The following NELL1 variants were observed in gnomAD, a reference collection of about 807,000 sequenced individuals.
The protein encoded by NELL1 is protein kinase C-binding protein NELL1.
A neutral mutation model predicts 107.4 loss-of-function variants in NELL1; 76 were observed. The observed-to-expected ratio is 0.71, with a 90% CI of 0.59 to 0.86. The LOEUF is 0.86. Ranked by LOEUF, NELL1 falls within the 40% of genes least tolerant of loss-of-function variation. The pLI is 0.00. For missense variants in NELL1, 1,024 were observed against 1,005.5 expected (o/e 1.02, Z -0.25); for synonymous variants, 353 against 341.2 (o/e 1.03, Z -0.38).
intron 3 of NELL1, among the ~76,000 whole-genome samples, chr11:20,846,559 C>G (rs533969898): frequency 1.3e-5 from 2 of 152,098 alleles, no homozygotes; most frequent in African/African-American, 2.4e-5. Context: ...CTATCCTCAC[C>G]ACTTTGTCAT....
chr11:21,421,891 G>A (rs146920874), intron 15 of NELL1, among the ~76,000 whole-genome samples: 2 of 152,182 alleles, frequency 1.3e-5, no homozygotes, highest in African/African-American at 4.8e-5. Context: ...TCTGGAAAGC[G>A]GCAAGAGAGA....
chr11:21,493,449 C>A (rs182384790), intron 15 of NELL1, among the ~76,000 whole-genome samples: 41 of 151,836 alleles, frequency 2.7e-4, no homozygotes, highest in African/African-American at 9.7e-4. Flanking sequence ...ATGGATGGAA[C>A]TGTAGGTCAT....
intron 12 of NELL1, among the ~76,000 whole-genome samples, chr11:20,998,438 A>G (rs535012007): frequency 4.6e-5 from 7 of 152,198 alleles, no homozygotes; most frequent in African/African-American, 1.4e-4. Context: ...TTTTGCTAAG[A>G]TATATTTTTG....
intron 13 of NELL1, among the ~76,000 whole-genome samples, chr11:21,211,968 A>G (rs1195575479): frequency 6.6e-6 from 1 of 151,968 alleles, no homozygotes; most frequent in Non-Finnish European, 1.5e-5. Flanking sequence ...TGAGATTACA[A>G]GAGTATGCCA....
intron 12 of NELL1, among the ~76,000 whole-genome samples, chr11:21,046,414 A>G (rs1260865444): frequency 6.6e-6 from 1 of 152,122 alleles, no homozygotes. Context: ...TGGGTTTAGC[A>G]TGCCTCAACT....
intron 16 of NELL1, among the ~76,000 whole-genome samples, chr11:21,542,934 A>C (rs1856328594): frequency 1.3e-5 from 2 of 152,086 alleles, no homozygotes; most frequent in Non-Finnish European, 2.9e-5. Context: ...ACATGAGTAT[A>C]TAAATTATTC....
intron 5 of NELL1, among the ~76,000 whole-genome samples, chr11:20,909,379 T>C (rs1850074953): frequency 6.6e-6 from 1 of 152,162 alleles, no homozygotes; most frequent in Non-Finnish European, 1.5e-5. Flanking sequence ...TCTGATTCAG[T>C]GGACCTAGGT....
At chr11:21,467,880 C>A (rs1294337182) in intron 15 of NELL1, among the ~76,000 whole-genome samples, 1 of 151,912 alleles carries the variant, frequency 6.6e-6, no homozygotes, top group Non-Finnish European at 1.5e-5. Context: ...TGAGAAGAAA[C>A]AAGAATTTTC....
chr11:21,505,256 T>A (rs1387280559), intron 15 of NELL1, among the ~76,000 whole-genome samples: 1 of 152,186 alleles, frequency 6.6e-6, no homozygotes, highest in Non-Finnish European at 1.5e-5. Flanking sequence ...TAATCCTACC[T>A]ATAAGAGTTA....
chr11:21,137,259 C>G (rs1245491011), intron 13 of NELL1, among the ~76,000 whole-genome samples: 2 of 152,154 alleles, frequency 1.3e-5, no homozygotes, highest in African/African-American at 4.8e-5. Flanking sequence ...CGACCAGTGT[C>G]CTGGAGGAGA....
At chr11:21,130,819 T>G (rs1855598507) in intron 13 of NELL1, among the ~76,000 whole-genome samples, 2 of 152,156 alleles carry the variant, frequency 1.3e-5, no homozygotes, top group African/African-American at 2.4e-5. Context: ...CCATGGGCTT[T>G]GTTTCTGTAG....
chr11:21,401,852 AG>A (rs1264924684), intron 15 of NELL1, among the ~76,000 whole-genome samples: 1 of 151,778 alleles, frequency 6.6e-6, no homozygotes, highest in Non-Finnish European at 1.5e-5. Flanking sequence ...TCTGAGCCTA[AG>A]GTATGAAATG....
At chr11:21,022,163 T>G (rs1852716515) in intron 12 of NELL1, among the ~76,000 whole-genome samples, 2 of 152,110 alleles carry the variant, frequency 1.3e-5, no homozygotes, top group South Asian at 4.1e-4. Context: ...TTCATGTATA[T>G]GGAAAAGAAA....
chr11:20,719,534 A>G (rs1371830903), intron 2 of NELL1, among the ~76,000 whole-genome samples: 1 of 152,186 alleles, frequency 6.6e-6, no homozygotes, highest in Non-Finnish European at 1.5e-5. Flanking sequence ...CAGACATTAC[A>G]AGGATCCTTA....
chr11:20,917,226 A>C (rs1850277322), intron 5 of NELL1, among the ~76,000 whole-genome samples: 1 of 152,018 alleles, frequency 6.6e-6, no homozygotes, highest in Non-Finnish European at 1.5e-5. Context: ...CAAACACTGC[A>C]TCATCCTTGA....
intron 13 of NELL1, among the ~76,000 whole-genome samples, chr11:21,221,543 C>A (rs1857757043): frequency 6.6e-6 from 1 of 152,086 alleles, no homozygotes; most frequent in South Asian, 2.1e-4. Flanking sequence ...TTTTTTGTTA[C>A]TGTTTCAATC....
chr11:21,332,796 AT>A (rs898112269), intron 14 of NELL1, among the ~76,000 whole-genome samples: 1 of 151,856 alleles, frequency 6.6e-6, no homozygotes, highest in South Asian at 2.1e-4. Flanking sequence ...AACTGAAATT[AT>A]TTTTTTAATA....
intron 16 of NELL1, among the ~76,000 whole-genome samples, chr11:21,559,491 T>C (rs1220995400): frequency 1.3e-5 from 2 of 152,122 alleles, no homozygotes; most frequent in Non-Finnish European, 2.9e-5. Flanking sequence ...TATTCCATTG[T>C]TGGCTGTCAA....
chr11:21,255,945 T>C (rs887379271), intron 14 of NELL1, among the ~76,000 whole-genome samples: 10 of 152,158 alleles, frequency 6.6e-5, no homozygotes, highest in African/African-American at 2.4e-4. Context: ...CCTTTAGCGC[T>C]CAAACATGTT....
Sources: gnomAD v4.1 joint callset for allele counts (sites outside exome capture counted in the v4.1 genomes callset) on GRCh38, gnomAD v4.1.1 for gene constraint, MANE v1.5 for transcripts, NCBI Gene and HGNC (gene_info 2026-07-23, HGNC 2026-07-21) for gene names.